Variants in TMEM74 observed in about 807,000 individuals in gnomAD.
TMEM74 encodes the protein transmembrane protein 74.
In TMEM74, 13 loss-of-function variants were observed where a neutral mutation model predicts 18.1. That is an observed-to-expected ratio of 0.72 (90% CI 0.47 to 1.14). The LOEUF (loss-of-function observed/expected upper bound fraction) is 1.14. TMEM74 is among the 50% of genes most tolerant of loss of function. The pLI, the probability that TMEM74 is intolerant of heterozygous loss-of-function variation, is 0.00. For synonymous variants in TMEM74, 159 were observed against 146.6 expected, an observed-to-expected ratio of 1.08 and a Z score of -0.61; for missense variants, 372 against 375.9, an observed-to-expected ratio of 0.99 and a Z score of 0.09.
intron 1 of TMEM74, among the ~76,000 whole-genome samples, chr8:108,714,565 G>A (rs547713836): frequency 3.3e-5 from 5 of 152,280 alleles, no homozygotes; most frequent in Admixed American, 6.5e-5. Flanking sequence ...AAAAGGGAAC[G>A]CTTATACACT....
intron 1 of TMEM74, among the ~76,000 whole-genome samples, chr8:108,733,514 A>G (rs1311834335): frequency 6.6e-6 from 1 of 152,140 alleles, no homozygotes; most frequent in African/African-American, 2.4e-5. Context: ...GGAAAGGGGT[A>G]GGAGGGAAAT....
chr8:108,632,619 A>G (rs1227817453), intron 2 of TMEM74, among the ~76,000 whole-genome samples: 1 of 152,036 alleles, frequency 6.6e-6, no homozygotes, highest in East Asian at 1.9e-4. Flanking sequence ...AAATGAACAA[A>G]TTTGGGAGTT....
chr8:108,637,470 T>C (rs568627823), intron 2 of TMEM74, among the ~76,000 whole-genome samples: 4 of 152,204 alleles, frequency 2.6e-5, no homozygotes, highest in Admixed American at 2.6e-4. Flanking sequence ...CCGGATTATC[T>C]GAGTGGGCCC....
rs566324143 is a variant in TMEM74, at chr8:108,753,922, T to C, written n.119+33554A>G. Reference sequence around the variant, plus strand: ...AGCTGTACCTCACTTTATTACTTTATAGTGGATCTCAAACTTCAGAATGCA... The same window carrying C: ...AGCTGTACCTCACTTTATTACTTTACAGTGGATCTCAAACTTCAGAATGCA... On this transcript the variant is annotated intron_variant and non_coding_transcript_variant, in intron 1 of 3. Transcript: ENST00000518838. Among the ~76,000 whole-genome samples, 14 of 152,220 alleles carry C rather than the reference T, an allele frequency of 9.2e-5. No homozygotes were observed. The East Asian group carries it at 2.5e-3, about 27-fold the overall frequency.
intron 1 of TMEM74, among the ~76,000 whole-genome samples, chr8:108,686,353 C>T (rs7014316): frequency 2.6e-5 from 4 of 151,920 alleles, no homozygotes; most frequent in African/African-American, 7.3e-5. Flanking sequence ...CACCTGCCAC[C>T]GCGCCCGGCT....
rs1814321782 is a variant in TMEM74, at chr8:108,782,594, C to A, written c.*1587G>T. 6.6e-6 allele frequency among the ~76,000 whole-genome samples: 1 copy of A among 152,196 alleles called. No individual in the cohort carries two copies. The highest frequency in any genetic ancestry group is 1.5e-5 in the Non-Finnish European group (1 of 68,026). On this transcript the variant is annotated 3_prime_UTR_variant, in exon 2 of 2. Transcript: ENST00000297459. The stretch of plus-strand genomic sequence containing the variant: ...TCATCCACATAAATATCCTGATTCA[C>A]ACATTTTGCCAAAGTCACCCATGTA...
At position 108,784,068 on chromosome 8, in the gene TMEM74, G is replaced by T; in HGVS notation, c.*113C>A. On this transcript the variant is annotated 3_prime_UTR_variant, in exon 2 of 2. Coordinates refer to ENST00000297459, the MANE Select transcript of TMEM74 (RefSeq NM_153015.3). ...AAAAACACTTACTGGCTGTTGGTTT[G>T]TGAAATAAACTTTTCTTGCCAGGCA... is the stretch of plus-strand genomic sequence containing the variant. 1.1e-6 allele frequency: 1 copy of T among 928,752 alleles called. No individual in the cohort carries two copies. Among genetic ancestry groups the T allele is most frequent in the Non-Finnish European group, 1.6e-6 (1 of 629,352 alleles). The allele number at this position is 928,752 out of a possible 1,614,324, so 57.5% of individuals were successfully genotyped here. A position where few individuals can be genotyped will look rare whatever the true frequency, so the allele number is the denominator to read the frequency against.
At chr8:108,732,886 C>T (rs753199422) in intron 1 of TMEM74, among the ~76,000 whole-genome samples, 21 of 151,542 alleles carry the variant, frequency 1.4e-4, no homozygotes, top group Non-Finnish European at 2.7e-4. Context: ...AAAAAAAATG[C>T]AAATACTTCA....
chr8:108,702,344 A>AC (rs1491112536), intron 1 of TMEM74, among the ~76,000 whole-genome samples: 1 of 43,516 alleles, frequency 2.3e-5, no homozygotes, highest in Admixed American at 2.5e-4. Flanking sequence ...GACTCCATCT[A>AC]AAAAAAAAAA....
At chr8:108,730,765 TG>T (rs908837327) in intron 1 of TMEM74, among the ~76,000 whole-genome samples, 1 of 151,780 alleles carries the variant, frequency 6.6e-6, no homozygotes, top group African/African-American at 2.4e-5. Context: ...CCCGAGTAGC[TG>T]GGACTACAGG....
At chr8:108,714,145 A>G (rs1813500375) in intron 1 of TMEM74, among the ~76,000 whole-genome samples, 1 of 152,146 alleles carries the variant, frequency 6.6e-6, no homozygotes, top group Admixed American at 6.5e-5. Context: ...ACCCTCACAG[A>G]CACCCCAAAA....
At chr8:108,742,818 GA>G (rs1813814886) in intron 1 of TMEM74, among the ~76,000 whole-genome samples, 1 of 152,174 alleles carries the variant, frequency 6.6e-6, no homozygotes, top group African/African-American at 2.4e-5. Flanking sequence ...TCTGATTTTA[GA>G]GACTTCCGTG....
intron 1 of TMEM74, among the ~76,000 whole-genome samples, chr8:108,728,803 A>G (rs1335331421): frequency 1.2e-4 from 18 of 152,188 alleles, no homozygotes; most frequent in Admixed American, 1.2e-3. Flanking sequence ...TCTTATACAT[A>G]CAGACTCTCA....
intron 1 of TMEM74, among the ~76,000 whole-genome samples, chr8:108,670,266 A>G (rs1003293139): frequency 6.6e-6 from 1 of 152,156 alleles, no homozygotes. Flanking sequence ...ACAAATAGCC[A>G]ATTCTAGTGC....
intron 1 of TMEM74, among the ~76,000 whole-genome samples, chr8:108,699,187 C>CCTTCCTG (rs1563529302): frequency 1.5e-5 from 1 of 68,792 alleles, no homozygotes; most frequent in Admixed American, 2.0e-4. Flanking sequence ...CTTCCTTCCT[C>CCTTCCTG]CCTCCCTCCC....
At chr8:108,719,090 AAACTCAATT>A (rs1347454442) in intron 1 of TMEM74, among the ~76,000 whole-genome samples, 1 of 152,060 alleles carries the variant, frequency 6.6e-6, no homozygotes, top group Admixed American at 6.6e-5. Context: ...TTTTGAGAGT[AAACTCAATT>A]AGAGTAGAGC....
chr8:108,714,493 A>G (rs956746015), intron 1 of TMEM74, among the ~76,000 whole-genome samples: 1 of 152,186 alleles, frequency 6.6e-6, no homozygotes, highest in Non-Finnish European at 1.5e-5. Context: ...GTGACAAGGG[A>G]GGAACAGGTG....
At chr8:108,644,910 A>G (rs1812702200) in intron 2 of TMEM74, among the ~76,000 whole-genome samples, 1 of 152,192 alleles carries the variant, frequency 6.6e-6, no homozygotes, top group Non-Finnish European at 1.5e-5. Context: ...GTGAGAGTGT[A>G]AATTAGTTCA....
intron 2 of TMEM74, among the ~76,000 whole-genome samples, chr8:108,637,836 T>A (rs1812622676): frequency 6.6e-6 from 1 of 152,120 alleles, no homozygotes; most frequent in Non-Finnish European, 1.5e-5. Context: ...TATTTCAGGG[T>A]AAGAAACAAT....
Sources: allele counts gnomAD v4.1 joint callset (sites outside exome capture counted in the v4.1 genomes callset), GRCh38; gene constraint gnomAD v4.1.1; transcripts MANE v1.5; gene names NCBI Gene and HGNC (gene_info 2026-07-23, HGNC 2026-07-21).